The following LRRC7 variants were observed in gnomAD, a reference collection of about 807,000 sequenced individuals.
LRRC7 encodes leucine-rich repeat-containing protein 7.
Under a neutral mutation model 175.7 loss-of-function variants are expected in LRRC7, and 23 were observed. The ratio of observed to expected loss-of-function variants is 0.13; its 90% CI spans 0.09 to 0.19. The LOEUF (loss-of-function observed/expected upper bound fraction) is 0.19, where lower values mean the gene tolerates loss of function less well. LRRC7 is among the 10% of genes least tolerant of loss of function. The pLI, the probability that LRRC7 is intolerant of heterozygous loss-of-function variation, is 1.00. For synonymous variants in LRRC7, 685 were observed against 680.9 expected (o/e 1.01, Z -0.09); for missense variants, 1,354 against 1,904.7 (o/e 0.71, Z 5.38).
At chr1:69,889,370 CA>C (rs757028409) in intron 7 of LRRC7, among the ~76,000 whole-genome samples, 1 of 152,210 alleles carries the variant, frequency 6.6e-6, no homozygotes, top group Non-Finnish European at 1.5e-5. Flanking sequence ...ATTTTACCTA[CA>C]GTAGAACTTC....
chr1:69,775,339 G>T (rs890394024), intron 3 of LRRC7, among the ~76,000 whole-genome samples: 1 of 152,052 alleles, frequency 6.6e-6, no homozygotes, highest in Non-Finnish European at 1.5e-5. Context: ...TTCATTTCCA[G>T]CTTATTAGTA....
chr1:70,019,190 G>C (rs886658864), intron 15 of LRRC7, among the ~76,000 whole-genome samples: 2 of 151,982 alleles, frequency 1.3e-5, no homozygotes, highest in African/African-American at 2.4e-5. Flanking sequence ...TGGTTTAGTT[G>C]CTGTGTTCAT....
At chr1:69,764,732 G>GATAGATAT (rs1404430224) in intron 3 of LRRC7, among the ~76,000 whole-genome samples, 1 of 125,668 alleles carries the variant, frequency 8.0e-6, no homozygotes, top group Non-Finnish European at 1.7e-5. Flanking sequence ...TAGATAGACA[G>GATAGATAT]ATAGATAGAT....
chr1:69,687,402 C>T (rs1661285368), intron 2 of LRRC7, among the ~76,000 whole-genome samples: 1 of 150,806 alleles, frequency 6.6e-6, no homozygotes, highest in Admixed American at 6.6e-5. Flanking sequence ...CCCAGCTACT[C>T]AGGAGGCTGA....
At chr1:69,900,801 A>C (rs928913501) in intron 7 of LRRC7, among the ~76,000 whole-genome samples, 1 of 152,160 alleles carries the variant, frequency 6.6e-6, no homozygotes, top group African/African-American at 2.4e-5. Context: ...TCTAAATTGC[A>C]TGTTTTTAAT....
At chr1:69,585,917 C>T (rs758822411) in intron 1 of LRRC7, among the ~76,000 whole-genome samples, 1 of 152,142 alleles carries the variant, frequency 6.6e-6, no homozygotes, top group African/African-American at 2.4e-5. Context: ...CAAGAGACTG[C>T]TTTTGCTTCT....
At position 70,129,178 on chromosome 1, in the gene LRRC7, C is replaced by T. The variant is rs769719258; in HGVS notation, c.*7291C>T. Among the ~76,000 whole-genome samples, 8 of 150,318 alleles carry T rather than the reference C, an allele frequency of 5.3e-5. No individual in the cohort carries two copies. The highest frequency in any genetic ancestry group is 1.2e-4 in the Non-Finnish European group (8 of 67,758). On this transcript the variant is annotated 3_prime_UTR_variant, in exon 27 of 27. Transcript: ENST00000651989. ...AGGAGAATTGCTTCAACCCAGCAGG[C>T]GGAGGTTGCAGTGAGCTGAGATGGC...
At chr1:70,046,040 T>G (rs998873916) in intron 22 of LRRC7, among the ~76,000 whole-genome samples, 7 of 152,072 alleles carry the variant, frequency 4.6e-5, no homozygotes, top group African/African-American at 1.7e-4. Flanking sequence ...AATTTCAAAA[T>G]TCAGTGAACA....
intron 4 of LRRC7, among the ~76,000 whole-genome samples, chr1:69,824,879 A>G (rs1458920468): frequency 6.6e-6 from 1 of 152,172 alleles, no homozygotes; most frequent in East Asian, 1.9e-4. Flanking sequence ...GGCATATCGC[A>G]TAATAACAGC....
intron 7 of LRRC7, among the ~76,000 whole-genome samples, chr1:69,901,356 A>G (rs1157072580): frequency 6.6e-6 from 1 of 152,254 alleles, no homozygotes; most frequent in Non-Finnish European, 1.5e-5. Flanking sequence ...CCATGTTTCT[A>G]TTAAAGTCTA....
At chr1:69,802,976 T>G (rs1425718458) in intron 4 of LRRC7, among the ~76,000 whole-genome samples, 2 of 151,404 alleles carry the variant, frequency 1.3e-5, no homozygotes, top group Non-Finnish European at 3.0e-5. Context: ...TGATCAAAAT[T>G]TATCTTTTCC....
intron 3 of LRRC7, among the ~76,000 whole-genome samples, chr1:69,790,391 G>A (rs1674969131): frequency 6.6e-6 from 1 of 151,988 alleles, no homozygotes; most frequent in Non-Finnish European, 1.5e-5. Flanking sequence ...ATTTAAAGTT[G>A]AAAAAGAATA....
chr1:69,825,690 T>C (rs530174485), intron 4 of LRRC7, 58 bp from the exon 5 acceptor site: 3 of 1,101,366 alleles, frequency 2.7e-6, no homozygotes, highest in Non-Finnish European at 4.0e-6. Context: ...ATTAGAACTA[T>C]AGTTTAAAGA....
chr1:70,047,681 C>A, intron 22 of LRRC7, among the ~76,000 whole-genome samples: 2 of 151,922 alleles, frequency 1.3e-5, no homozygotes, highest in Middle Eastern at 6.9e-3. Flanking sequence ...TATTACATGT[C>A]AGATCAAGTA....
intron 8 of LRRC7, among the ~76,000 whole-genome samples, chr1:69,978,285 G>T (rs928285459): frequency 6.0e-5 from 9 of 150,232 alleles, no homozygotes; most frequent in African/African-American, 2.2e-4. Context: ...TCCGTCGTCT[G>T]CGAGGAGAGG....
intron 16 of LRRC7, chr1:70,022,226 A>G (rs1438406384): frequency 2.0e-5 from 3 of 152,182 alleles, no homozygotes; most frequent in Non-Finnish European, 2.9e-5. Context: ...GAACTTGTGA[A>G]TTCCTAGAAA....
chr1:69,721,161 C>T (rs189053958), intron 2 of LRRC7, among the ~76,000 whole-genome samples: 45 of 151,940 alleles, frequency 3.0e-4, no homozygotes, highest in African/African-American at 9.9e-4. Context: ...CAGGCTCCCC[C>T]ACTACCGACA....
intron 7 of LRRC7, among the ~76,000 whole-genome samples, chr1:69,851,072 T>A (rs531234753): frequency 6.6e-6 from 1 of 152,094 alleles, no homozygotes; most frequent in East Asian, 1.9e-4. Flanking sequence ...GTAGTGCCAC[T>A]GAAGCCTAGA....
At chr1:69,962,523 ATAC>A (rs1651201530) in intron 8 of LRRC7, among the ~76,000 whole-genome samples, 1 of 152,230 alleles carries the variant, frequency 6.6e-6, no homozygotes, top group Non-Finnish European at 1.5e-5. Flanking sequence ...ATAAAGATGG[ATAC>A]ACACGTATGT....
Sources: allele counts gnomAD v4.1 joint callset (sites outside exome capture counted in the v4.1 genomes callset), GRCh38; gene constraint gnomAD v4.1.1; transcripts MANE v1.5; gene names NCBI Gene and HGNC (gene_info 2026-07-23, HGNC 2026-07-21).